Variants in COMMD1 observed in about 807,000 individuals in gnomAD.
COMMD1 encodes the protein copper metabolism domain containing 1, also known as COMM domain-containing protein 1.
A neutral mutation model predicts 17.2 loss-of-function variants in COMMD1; 10 were observed. The ratio of observed to expected loss-of-function variants is 0.58; its 90% CI spans 0.36 to 0.99. COMMD1 has a LOEUF of 0.99. Ranked by LOEUF, COMMD1 falls within the 50% of genes least tolerant of loss-of-function variation. The pLI is 0.01. For synonymous variants in COMMD1, 97 were observed against 91.6 expected (o/e 1.06, Z -0.34); for missense variants, 270 against 231.8 (o/e 1.17, Z -1.07).
chr2:62,090,062 TGA>T (rs1671783847), intron 2 of COMMD1, among the ~76,000 whole-genome samples: 1 of 151,956 alleles, frequency 6.6e-6, no homozygotes, highest in Non-Finnish European at 1.5e-5. Flanking sequence ...GTTTAAGGGG[TGA>T]GATGGAGTCA....
intron 1 of COMMD1, among the ~76,000 whole-genome samples, chr2:61,980,198 G>A (rs1573026855): frequency 9.2e-4 from 1 of 1,092 alleles, no homozygotes; most frequent in Admixed American, 5.8e-3. Flanking sequence ...GAATAGTGCC[G>A]CAATAAACAT....
intron 1 of COMMD1, among the ~76,000 whole-genome samples, chr2:61,940,880 G>A (rs921031258): frequency 4.0e-5 from 6 of 151,470 alleles, no homozygotes; most frequent in Admixed American, 1.3e-4. Context: ...AGTAGAGATG[G>A]GGTTTCACCG....
chr2:62,015,857 G>T (rs995883911), intron 2 of COMMD1, among the ~76,000 whole-genome samples: 2 of 151,866 alleles, frequency 1.3e-5, no homozygotes, highest in Non-Finnish European at 2.9e-5. Flanking sequence ...TTTGAGACAA[G>T]AGTCTTGCTC....
chr2:62,130,409 C>T (rs1966820), intron 2 of COMMD1, among the ~76,000 whole-genome samples: 1 of 151,720 alleles, frequency 6.6e-6, no homozygotes, highest in South Asian at 2.1e-4. Context: ...CAAGTAGCTG[C>T]GATTACAGGT....
At chr2:62,079,842 T>C (rs528795925) in intron 2 of COMMD1, 1 of 152,314 alleles carries the variant, frequency 6.6e-6, no homozygotes, top group East Asian at 1.9e-4. Flanking sequence ...AAAAAATGGA[T>C]TGAACTGGAA....
chr2:62,063,899 T>TATATATATATATATATATATATA (rs1558583258), intron 2 of COMMD1, among the ~76,000 whole-genome samples: 1 of 44,200 alleles, frequency 2.3e-5, no homozygotes, highest in Non-Finnish European at 4.8e-5. Flanking sequence ...ATATATATAT[T>TATATATATATATATATATATATA]AGCCAGGCAT....
At chr2:61,930,919 T>G (rs1000845631) in intron 1 of COMMD1, among the ~76,000 whole-genome samples, 8 of 152,110 alleles carry the variant, frequency 5.3e-5, no homozygotes, top group African/African-American at 1.9e-4. Flanking sequence ...GCTGTGAGGT[T>G]TCTCAGTGGC....
At chr2:61,964,602 A>G (rs1416265334) in intron 1 of COMMD1, among the ~76,000 whole-genome samples, 1 of 152,162 alleles carries the variant, frequency 6.6e-6, no homozygotes, top group Non-Finnish European at 1.5e-5. Flanking sequence ...TGGGAGGCCG[A>G]GGTGGGCAGA....
intron 2 of COMMD1, among the ~76,000 whole-genome samples, chr2:62,008,407 C>T (rs560616150): frequency 6.6e-6 from 1 of 151,742 alleles, no homozygotes; most frequent in African/African-American, 2.4e-5. Context: ...TTTGTTTATA[C>T]CTGTGTATGT....
upstream of COMMD1, among the ~76,000 whole-genome samples, chr2:61,902,616 A>G (rs1017092476): frequency 1.3e-5 from 2 of 152,158 alleles, no homozygotes; most frequent in Non-Finnish European, 2.9e-5. Context: ...AAAAAAATTT[A>G]CTCTCAAAAT....
intron 1 of COMMD1, among the ~76,000 whole-genome samples, chr2:61,964,414 A>G (rs1459463104): frequency 1.3e-5 from 2 of 152,118 alleles, no homozygotes; most frequent in South Asian, 2.1e-4. Flanking sequence ...TGGTTTCACC[A>G]TGTTGCCCAG....
intron 1 of COMMD1, among the ~76,000 whole-genome samples, chr2:61,977,127 G>A (rs1285811441): frequency 6.6e-6 from 1 of 151,326 alleles, no homozygotes; most frequent in Non-Finnish European, 1.5e-5. Flanking sequence ...TGGCCATGAT[G>A]TGGGATATTA....
In COMMD1 at chr2:62,000,747, T is replaced by A; in HGVS notation, c.227T>A (p.Leu76Ter). Residue 76 changes from leucine to a stop codon, truncating the protein, a stop_gained, in exon 2 of 3, where the codon TTG (leucine) becomes TAG (stop). Transcript: ENST00000311832. LOFTEE classifies it high-confidence loss of function. ...GATTTCAACCAGCTGGAGGCATTCT[T>A]GACTGCTCAAACCAAAAAGCAAGGT... is the stretch of plus-strand genomic sequence containing the variant. ...DMDFNQLEAF[L>*]TAQTKKQGGI... The A allele has an allele frequency of 6.2e-7, 1 of 1,614,172 alleles. No homozygotes were observed. Among genetic ancestry groups the A allele is most frequent in the Non-Finnish European group, 8.5e-7 (1 of 1,180,024 alleles).
chr2:61,914,689 GGTTTTTTGTTTT>G (rs993399451), intron 1 of COMMD1, among the ~76,000 whole-genome samples: 7 of 151,880 alleles, frequency 4.6e-5, no homozygotes, highest in African/African-American at 1.7e-4. Flanking sequence ...TGTTTTCTGG[GGTTTTTTGTTTT>G]GTTTTTTGAA....
At chr2:61,950,957 G>A (rs1436572878) in intron 1 of COMMD1, among the ~76,000 whole-genome samples, 1 of 152,214 alleles carries the variant, frequency 6.6e-6, no homozygotes, top group Non-Finnish European at 1.5e-5. Flanking sequence ...CCAAACTGCA[G>A]ATAAGGAGGA....
chr2:61,993,188 T>C (rs1668641522), intron 1 of COMMD1, among the ~76,000 whole-genome samples: 1 of 152,188 alleles, frequency 6.6e-6, no homozygotes, highest in African/African-American at 2.4e-5. Flanking sequence ...GTATAGAAGA[T>C]AGACTTGAGG....
intron 2 of COMMD1, among the ~76,000 whole-genome samples, chr2:62,016,206 C>CTTTTTTTTTTTTTTTTTTTT (rs769583167): frequency 1.4e-4 from 16 of 112,256 alleles, no homozygotes; most frequent in Non-Finnish European, 1.8e-4. Flanking sequence ...CTTTTCTTTT[C>CTTTTTTTTTTTTTTTTTTTT]TTTTTTTTTT....
At chr2:61,925,932 A>G (rs1294899197) in intron 1 of COMMD1, among the ~76,000 whole-genome samples, 1 of 152,044 alleles carries the variant, frequency 6.6e-6, no homozygotes, top group Non-Finnish European at 1.5e-5. Context: ...GGCAATGCCA[A>G]TTGCAGAGTT....
chr2:62,101,551 A>G (rs1410178675), intron 2 of COMMD1, among the ~76,000 whole-genome samples: 2 of 152,148 alleles, frequency 1.3e-5, no homozygotes, highest in Non-Finnish European at 2.9e-5. Flanking sequence ...TCTAGGCTGC[A>G]GTGATCCCTG....
Sources: gnomAD v4.1 joint callset for allele counts (sites outside exome capture counted in the v4.1 genomes callset) on GRCh38, gnomAD v4.1.1 for gene constraint, MANE v1.5 for transcripts, NCBI Gene and HGNC (gene_info 2026-07-23, HGNC 2026-07-21) for gene names.